The following CFAP54 variants were observed in gnomAD, a reference collection of about 807,000 sequenced individuals.
CFAP54 encodes cilia- and flagella-associated protein 54.
A neutral mutation model predicts 370.4 loss-of-function variants in CFAP54; 290 were observed. The observed-to-expected ratio is 0.78, with a 90% CI of 0.71 to 0.86. The LOEUF (loss-of-function observed/expected upper bound fraction) is 0.86, where lower values mean the gene tolerates loss of function less well. Ranked by LOEUF, CFAP54 falls within the 40% of genes least tolerant of loss-of-function variation. The pLI, the probability that CFAP54 is intolerant of heterozygous loss-of-function variation, is 0.00. For synonymous variants in CFAP54, 1,206 were observed against 1,236.5 expected (o/e 0.98, Z 0.52); for missense variants, 3,399 against 3,528.7 (o/e 0.96, Z 0.93).
In CFAP54 at chr12:96,825,441, ATG is replaced by A. The variant is rs1230678259; in HGVS notation, c.9097-3571_9097-3570del. 6.8e-5 allele frequency among the ~76,000 whole-genome samples: 8 copies of A among 118,056 alleles called. No homozygotes were observed. In the East Asian group the frequency reaches 7.0e-4, roughly 10 times the overall value. 77.4% of individuals were successfully genotyped at this position (118,056 alleles called of 152,430 possible). On this transcript the variant is annotated intron_variant, in intron 65 of 67. Coordinates refer to ENST00000524981, the MANE Select transcript of CFAP54 (RefSeq NM_001306084.2). ...TAACATGTTATATTATATATAATAT[ATG>A]TTATATTATATATAATATAATATAT...
At chr12:96,647,472 C>CAAAAAAAAAAAAAA (rs57089692) in intron 33 of CFAP54, among the ~76,000 whole-genome samples, 1,314 of 40,768 alleles carry the variant, frequency 0.032, 247 homozygotes, top group Middle Eastern at 0.077. Context: ...GACTCTGTCC[C>CAAAAAAAAAAAAAA]AAAAAAAAAA....
intron 26 of CFAP54, among the ~76,000 whole-genome samples, chr12:96,606,267 C>T (rs2136449856): frequency 6.6e-6 from 1 of 152,260 alleles, no homozygotes; most frequent in Middle Eastern, 3.4e-3. Context: ...AGTGAATAGA[C>T]TTAGAGGTTC....
chr12:96,521,537 T>C (rs940648846), intron 6 of CFAP54, among the ~76,000 whole-genome samples: 12 of 127,108 alleles, frequency 9.4e-5, no homozygotes, highest in African/African-American at 6.6e-5. Flanking sequence ...TGTGTGTGTG[T>C]GTGTGTGTGT....
At chr12:96,602,878 A>G (rs1247167243) in intron 26 of CFAP54, among the ~76,000 whole-genome samples, 1 of 152,154 alleles carries the variant, frequency 6.6e-6, no homozygotes, top group Non-Finnish European at 1.5e-5. Context: ...TCTCCTGAAT[A>G]CAGCACACCA....
intron 22 of CFAP54, among the ~76,000 whole-genome samples, chr12:96,583,887 T>C (rs980126690): frequency 2.0e-5 from 3 of 152,214 alleles, no homozygotes; most frequent in Non-Finnish European, 4.4e-5. Flanking sequence ...TCTTTAACCC[T>C]CTTCCTTCCC....
At chr12:96,831,596 TTAGA>T (rs1408653981) in intron 66 of CFAP54, among the ~76,000 whole-genome samples, 4 of 152,278 alleles carry the variant, frequency 2.6e-5, no homozygotes, top group Admixed American at 1.3e-4. Context: ...GGGTCACAGC[TTAGA>T]TAGGGTGGTC....
chr12:96,806,215 A>ATATATATAT (rs1565984969), intron 63 of CFAP54, among the ~76,000 whole-genome samples: 4 of 79,446 alleles, frequency 5.0e-5, no homozygotes, highest in African/African-American at 1.7e-4. Context: ...TATATATATA[A>ATATATATAT]TAACAACATA....
chr12:96,544,188 A>G (rs1452977310), intron 14 of CFAP54, among the ~76,000 whole-genome samples: 2 of 148,936 alleles, frequency 1.3e-5, no homozygotes, highest in Admixed American at 6.8e-5. Context: ...ATATATATAT[A>G]TAAATAATTA....
intron 17 of CFAP54, among the ~76,000 whole-genome samples, chr12:96,557,097 C>T (rs1955761623): frequency 6.6e-6 from 1 of 151,946 alleles, no homozygotes; most frequent in African/African-American, 2.4e-5. Context: ...GAGCTGTATT[C>T]CTTTCTGGAG....
intron 3 of CFAP54, 23 bp from the exon 4 acceptor site, chr12:96,506,905 T>G: frequency 1.3e-6 from 2 of 1,518,336 alleles, no homozygotes; most frequent in Non-Finnish European, 1.8e-6. Context: ...CTATTTCTAT[T>G]TCTATTTTCC....
chr12:96,679,486 A>C, intron 39 of CFAP54, 114 bp from the exon 40 acceptor site: 1 of 1,148,028 alleles, frequency 8.7e-7, no homozygotes, highest in Non-Finnish European at 1.2e-6. Flanking sequence ...GGGGCTTTGA[A>C]TTTAGCGGCT....
At chr12:96,669,233 G>C (rs887531405) in intron 39 of CFAP54, among the ~76,000 whole-genome samples, 22 of 152,234 alleles carry the variant, frequency 1.4e-4, no homozygotes, top group African/African-American at 5.3e-4. Flanking sequence ...AACTCTCTTA[G>C]AGGGAAGGAT....
intron 60 of CFAP54, among the ~76,000 whole-genome samples, chr12:96,768,007 A>G (rs938496376): frequency 1.2e-4 from 19 of 152,208 alleles, no homozygotes; most frequent in African/African-American, 4.1e-4. Context: ...CAGAACAGGC[A>G]TATACCCTGA....
At chr12:96,774,553 A>G (rs1958496556) in intron 60 of CFAP54, among the ~76,000 whole-genome samples, 1 of 152,134 alleles carries the variant, frequency 6.6e-6, no homozygotes, top group Admixed American at 6.5e-5. Context: ...ATAAAAATAT[A>G]CTTAATATAA....
chr12:96,751,308 C>T (rs1958180637), intron 55 of CFAP54, among the ~76,000 whole-genome samples: 1 of 152,048 alleles, frequency 6.6e-6, no homozygotes, highest in Non-Finnish European at 1.5e-5. Flanking sequence ...TCTCTGCCCT[C>T]AAGAAGCTTA....
chr12:96,645,159 C>T (rs749568566), intron 33 of CFAP54: 2 of 456,618 alleles, frequency 4.4e-6, no homozygotes, highest in South Asian at 1.5e-5. Flanking sequence ...ACTCAACAGA[C>T]ATTTTTAAGC....
chr12:96,823,836 G>T (rs1224967003), intron 65 of CFAP54, among the ~76,000 whole-genome samples: 1 of 152,176 alleles, frequency 6.6e-6, no homozygotes, highest in Non-Finnish European at 1.5e-5. Flanking sequence ...GCAGCACCTC[G>T]CCTGGAAGGG....
At position 96,651,534 on chromosome 12, in the gene CFAP54, G is replaced by A. The variant is rs890615101; in HGVS notation, c.4873-54G>A. ...ATTTGGAAAAAGATGAAGTTGTTCA[G>A]AGATCTGTAACTTTTGGAACTTTGG... On this transcript the variant is annotated intron_variant, in intron 35 of 67. Coordinates refer to ENST00000524981, the MANE Select transcript of CFAP54 (RefSeq NM_001306084.2). 5.7e-6 allele frequency: 8 copies of A among 1,397,868 alleles called. No homozygotes were observed. The African/African-American group carries it at 8.7e-5, about 15-fold the overall frequency. 86.6% of individuals were successfully genotyped at this position (1,397,868 alleles called of 1,614,324 possible).
chr12:96,750,928 A>G (rs1160885058), intron 55 of CFAP54, among the ~76,000 whole-genome samples: 1 of 152,238 alleles, frequency 6.6e-6, no homozygotes, highest in Non-Finnish European at 1.5e-5. Flanking sequence ...GCACTTAAAT[A>G]TTATAAAGCA....
Sources: allele counts gnomAD v4.1 joint callset (sites outside exome capture counted in the v4.1 genomes callset), GRCh38; gene constraint gnomAD v4.1.1; transcripts MANE v1.5; gene names NCBI Gene and HGNC (gene_info 2026-07-23, HGNC 2026-07-21).